Variants in PRTG observed in about 807,000 individuals in gnomAD.
The protein encoded by PRTG is immunoglobulin superfamily, DCC subclass, member 5.
In PRTG, 67 loss-of-function variants were observed where a neutral mutation model predicts 122.5. The ratio of observed to expected loss-of-function variants is 0.55; its 90% CI spans 0.45 to 0.67. The LOEUF (loss-of-function observed/expected upper bound fraction) is 0.67, where lower values mean the gene tolerates loss of function less well. PRTG is among the 30% of genes least tolerant of loss of function. The pLI, the probability that PRTG is intolerant of heterozygous loss-of-function variation, is 0.00. For missense variants in PRTG, 1,435 were observed against 1,415.4 expected, an observed-to-expected ratio of 1.01 and a Z score of -0.22; for synonymous variants, 554 against 501.1, an observed-to-expected ratio of 1.11 and a Z score of -1.41.
intron 2 of PRTG, among the ~76,000 whole-genome samples, chr15:55,729,035 C>T (rs1464589427): frequency 6.6e-6 from 1 of 152,044 alleles, no homozygotes; most frequent in African/African-American, 2.4e-5. Context: ...TAAATTTCAG[C>T]AAAAAGGTAA....
Position 55,641,354 on chromosome 15 carries a change from A to C in PRTG, c.2042-146T>G, listed in dbSNP as rs115118867. 953 of 603,430 alleles carry C rather than the reference A, an allele frequency of 1.6e-3. 7 individuals are homozygous for C. The African/African-American group carries it at 0.016, about 10-fold the overall frequency. The allele number at this position is 603,430 out of a possible 1,614,324, so 37.4% of individuals were successfully genotyped here. A position where few individuals can be genotyped will look rare whatever the true frequency, so the allele number is the denominator to read the frequency against. On this transcript the variant is annotated intron_variant, in intron 11 of 19. Transcript: ENST00000389286. ...ATATAAAATTACTGCTCATTGACTC[A>C]GCAATCCACCTTCGTATGACACTGC...
rs79242603 is a variant in PRTG, at chr15:55,741,175, T to C, written c.95-491A>G. ...CTCCTTTGGGAACTGCGTTTATCTT[T>C]TGTGACAAATTACAAGTTTGCATTT... On this transcript the variant is annotated intron_variant, in intron 1 of 19. Transcript: ENST00000389286. Among the ~76,000 whole-genome samples the C allele has an allele frequency of 3.7e-3, 569 of 152,380 alleles. 2 individuals carry two copies. The highest frequency in any genetic ancestry group is 0.014 in the Middle Eastern group (4 of 294).
intron 2 of PRTG, among the ~76,000 whole-genome samples, chr15:55,699,554 TC>T (rs1180161631): frequency 6.6e-6 from 1 of 152,202 alleles, no homozygotes; most frequent in African/African-American, 2.4e-5. Context: ...TTAAAATCAG[TC>T]CAAATTCTCT....
chr15:55,660,016 G>T (rs557026509), intron 11 of PRTG, among the ~76,000 whole-genome samples: 1 of 151,980 alleles, frequency 6.6e-6, no homozygotes, highest in Admixed American at 6.6e-5. Context: ...CTATCCATAA[G>T]TAATTTTTTC....
At chr15:55,633,742 TC>T (rs1184959039) in intron 15 of PRTG, among the ~76,000 whole-genome samples, 1 of 152,232 alleles carries the variant, frequency 6.6e-6, no homozygotes, top group Non-Finnish European at 1.5e-5. Context: ...ACTGTTTTTC[TC>T]TCTCAGAAAA....
chr15:55,739,014 T>G (rs2031527149), intron 2 of PRTG, among the ~76,000 whole-genome samples: 1 of 152,044 alleles, frequency 6.6e-6, no homozygotes, highest in Non-Finnish European at 1.5e-5. Context: ...ATGCTGGTCT[T>G]TGGCAGGGGT....
At chr15:55,634,357 T>C (rs2059244727) in intron 15 of PRTG, among the ~76,000 whole-genome samples, 1 of 152,042 alleles carries the variant, frequency 6.6e-6, no homozygotes. Flanking sequence ...CGTGAGCCAC[T>C]GCACCTGGCT....
At chr15:55,728,693 G>C (rs975546329) in intron 2 of PRTG, among the ~76,000 whole-genome samples, 2 of 152,108 alleles carry the variant, frequency 1.3e-5, no homozygotes, top group Non-Finnish European at 2.9e-5. Context: ...TCAAGAAAAA[G>C]ACAATGATCT....
At chr15:55,698,891 G>C (rs895025465) in intron 2 of PRTG, among the ~76,000 whole-genome samples, 5 of 152,080 alleles carry the variant, frequency 3.3e-5, no homozygotes, top group African/African-American at 1.2e-4. Flanking sequence ...GGGTGGGGGA[G>C]ATTCATTTGG....
intron 15 of PRTG, among the ~76,000 whole-genome samples, chr15:55,632,200 A>G (rs1396360137): frequency 6.6e-6 from 1 of 152,204 alleles, no homozygotes; most frequent in Non-Finnish European, 1.5e-5. Context: ...TCACACTTTC[A>G]AAACCAAACC....
At position 55,738,371 on chromosome 15, in the gene PRTG, A is replaced by G. The variant is rs187694725; in HGVS notation, c.397+2011T>C. The G allele has an allele frequency of 1.4e-3, 898 of 629,958 alleles. 7 individuals carry two copies. The African/African-American group carries it at 0.015, about 11-fold the overall frequency. 39.0% of individuals were successfully genotyped at this position (629,958 alleles called of 1,614,324 possible). On this transcript the variant is annotated intron_variant, in intron 2 of 19. Transcript: ENST00000389286. ...AAGTTAGAAAGCTCTGTGTTTTTCC[A>G]AAAGTGTTTCTGGAAGCCCTAGGAT... is the stretch of plus-strand genomic sequence containing the variant.
chr15:55,620,744 A>G lies in PRTG; in HGVS notation c.3117T>C (p.Asn1039=), dbSNP rs1407396528. ...DAKGGTDLII[N]SYGPIIKNNS... ...TGTTTTTAATTATAGGACCATAGCT[A>G]TTAATTATCAGGTCAGTTCCTCCCT... Residue 1039 remains asparagine, a synonymous_variant, in exon 19 of 20, where the codon AAT becomes AAC. Coordinates refer to ENST00000389286, the MANE Select transcript of PRTG (RefSeq NM_173814.6). 2 of 1,596,766 alleles carry G rather than the reference A, an allele frequency of 1.3e-6. No individual in the cohort carries two copies. Among genetic ancestry groups the G allele is most frequent in the Admixed American group, 1.8e-5 (1 of 54,456 alleles).
intron 11 of PRTG, among the ~76,000 whole-genome samples, chr15:55,642,803 T>G (rs1474967793): frequency 1.3e-5 from 2 of 152,060 alleles, no homozygotes; most frequent in African/African-American, 4.8e-5. Context: ...AATCTAAAAA[T>G]AGAGGATGGG....
chr15:55,628,588 A>T (rs2059208461), intron 16 of PRTG, among the ~76,000 whole-genome samples: 1 of 152,098 alleles, frequency 6.6e-6, no homozygotes, highest in Non-Finnish European at 1.5e-5. Context: ...CTGGGAGAAG[A>T]AGTAACTGGA....
chr15:55,731,418 TGGAGTACAAC>T (rs137883434), intron 2 of PRTG, among the ~76,000 whole-genome samples: 4,782 of 146,250 alleles, frequency 0.033, 104 homozygotes, highest in Non-Finnish European at 0.047. Context: ...TCGCCCAGGT[TGGAGTACAAC>T]GGCATGCTCT....
intron 15 of PRTG, among the ~76,000 whole-genome samples, chr15:55,636,873 C>T (rs976957963): frequency 5.3e-5 from 8 of 152,124 alleles, no homozygotes; most frequent in African/African-American, 1.7e-4. Context: ...TGTTGAACTC[C>T]GGACCTCAGG....
Position 55,616,738 on chromosome 15 carries a change from A to T in PRTG, c.*3274T>A, listed in dbSNP as rs548746805. 6.6e-6 allele frequency: 1 copy of T among 152,292 alleles called. No individual in the cohort carries two copies. The highest frequency in any genetic ancestry group is 2.4e-5 in the African/African-American group (1 of 41,588). 9.4% of individuals were successfully genotyped at this position (152,292 alleles called of 1,614,324 possible). A position where few individuals can be genotyped will look rare whatever the true frequency, so the allele number is the denominator to read the frequency against. On this transcript the variant is annotated 3_prime_UTR_variant, in exon 20 of 20. Transcript: ENST00000389286. ...GTTTTTTTCTTTTTAATTTGCTGAT[A>T]AAAAGTACTTGAATAAAAACACTGA...
intron 2 of PRTG, among the ~76,000 whole-genome samples, chr15:55,725,425 C>G (rs1419797366): frequency 2.6e-5 from 4 of 151,966 alleles, no homozygotes; most frequent in African/African-American, 9.7e-5. Flanking sequence ...AAGACCTTAT[C>G]TCTATAAAAA....
chr15:55,627,270 C>T (rs2059200018), intron 16 of PRTG, 142 bp from the exon 17 acceptor site: 1 of 443,704 alleles, frequency 2.3e-6, no homozygotes, highest in Admixed American at 4.0e-5. Flanking sequence ...GCAGAAAGGA[C>T]ACACAGTAAT....
Sources: allele counts gnomAD v4.1 joint callset (sites outside exome capture counted in the v4.1 genomes callset), GRCh38; gene constraint gnomAD v4.1.1; transcripts MANE v1.5; gene names NCBI Gene and HGNC (gene_info 2026-07-23, HGNC 2026-07-21).